Variants in PEF1 observed in about 807,000 individuals in gnomAD.
The protein encoded by PEF1 is peflin.
Under a neutral mutation model 32.0 loss-of-function variants are expected in PEF1, and 17 were observed. The ratio of observed to expected loss-of-function variants is 0.53; its 90% confidence interval spans 0.36 to 0.80. The LOEUF is 0.80. PEF1 is among the 30% of genes least tolerant of loss of function. PEF1 has a pLI of 0.00. For missense variants in PEF1, 362 were observed against 369.1 expected, an observed-to-expected ratio of 0.98 and a Z score of 0.16; for synonymous variants, 130 against 139.8, an observed-to-expected ratio of 0.93 and a Z score of 0.50.
At chr1:31,643,273 A>G (rs1640451686) in intron 1 of PEF1, among the ~76,000 whole-genome samples, 1 of 152,264 alleles carries the variant, frequency 6.6e-6, no homozygotes, top group African/African-American at 2.4e-5. Context: ...AATGTACATT[A>G]GCAAATTAAG....
chr1:31,639,880 G>A (rs185292202), intron 1 of PEF1, among the ~76,000 whole-genome samples: 1 of 152,288 alleles, frequency 6.6e-6, no homozygotes, highest in African/African-American at 2.4e-5. Flanking sequence ...AAGAAGATGA[G>A]GTGGTCCCCA....
intron 1 of PEF1, 58 bp downstream of exon 1, chr1:31,644,783 G>A (rs993251682): frequency 1.2e-6 from 2 of 1,612,366 alleles, no homozygotes; most frequent in African/African-American, 2.7e-5. Flanking sequence ...GCAGGGGGAC[G>A]TCGGGCCTGC....
Position 31,630,450 on chromosome 1 carries a change from C to T in PEF1, c.*163G>A. On this transcript the variant is annotated 3_prime_UTR_variant, in exon 5 of 5. Coordinates refer to ENST00000373703, the MANE Select transcript of PEF1 (RefSeq NM_012392.4). ...AGCCCCGGTCCTCACTATTTGGTGGCTATGATGCAGGACTCTCCACCCTCT... is the reference window on the plus strand; with the variant it reads ...AGCCCCGGTCCTCACTATTTGGTGGTTATGATGCAGGACTCTCCACCCTCT... 1 of 729,102 alleles carries T rather than the reference C, an allele frequency of 1.4e-6. No individual in the cohort carries two copies. The highest frequency in any genetic ancestry group is 1.8e-5 in the South Asian group (1 of 55,712). 45.2% of individuals were successfully genotyped at this position (729,102 alleles called of 1,614,324 possible).
intron 1 of PEF1, 85 bp downstream of exon 1, chr1:31,644,756 G>A: frequency 6.2e-7 from 1 of 1,607,962 alleles, no homozygotes. Context: ...AGGGCGCGGA[G>A]AAAGCGGGGA....
At chr1:31,633,400 C>T (rs1311085242) in intron 2 of PEF1, 86 bp from the exon 3 acceptor site, 2 of 1,364,494 alleles carry the variant, frequency 1.5e-6, no homozygotes, top group Non-Finnish European at 2.0e-6. Flanking sequence ...TTCTCCTACA[C>T]ACGAAGCTTC....
chr1:31,632,310 G>T, intron 4 of PEF1, 185 bp downstream of exon 4: 1 of 1,021,914 alleles, frequency 9.8e-7, no homozygotes, highest in Non-Finnish European at 1.5e-6. Context: ...CCTTGCCCTG[G>T]CTCTTGGCTC....
intron 2 of PEF1, among the ~76,000 whole-genome samples, chr1:31,634,566 A>G (rs975404063): frequency 6.6e-6 from 1 of 152,210 alleles, no homozygotes; most frequent in African/African-American, 2.4e-5. Flanking sequence ...AGGCTACATT[A>G]TCGTCTCCTG....
At chr1:31,632,136 T>A (rs1640122379) in intron 4 of PEF1, among the ~76,000 whole-genome samples, 1 of 152,204 alleles carries the variant, frequency 6.6e-6, no homozygotes, top group African/African-American at 2.4e-5. Flanking sequence ...CAGGGCTCTT[T>A]CCATTCTACA....
chr1:31,635,021 C>T, intron 2 of PEF1: 1 of 757,110 alleles, frequency 1.3e-6, no homozygotes. Context: ...AGAAAGTAAG[C>T]ATGAGCAAGC....
At chr1:31,632,224 C>G in intron 4 of PEF1, 1 of 632,126 alleles carries the variant, frequency 1.6e-6, no homozygotes, top group Admixed American at 2.4e-5. Context: ...AAGTTTCCAT[C>G]CTTAAGGCTC....
Position 31,630,182 on chromosome 1 carries a change from A to G in PEF1, c.*431T>C. 1 of 242,446 alleles carries G rather than the reference A, an allele frequency of 4.1e-6. No individual in the cohort carries two copies. The highest frequency in any genetic ancestry group is 8.3e-6 in the Non-Finnish European group (1 of 120,342). The allele number at this position is 242,446 out of a possible 1,614,324, so 15.0% of individuals were successfully genotyped here. On this transcript the variant is annotated 3_prime_UTR_variant, in exon 5 of 5. Transcript: ENST00000373703. Reference sequence around the variant, plus strand: ...AGACAGATCTCTCTCATGCTTGGTCAGATTCCACTTTGGAGAAAATGGGCT... The same window carrying G: ...AGACAGATCTCTCTCATGCTTGGTCGGATTCCACTTTGGAGAAAATGGGCT...
intron 1 of PEF1, among the ~76,000 whole-genome samples, chr1:31,636,063 C>G (rs1260619236): frequency 2.6e-5 from 4 of 152,190 alleles, no homozygotes; most frequent in Non-Finnish European, 5.9e-5. Flanking sequence ...AAAAACATTT[C>G]CCTATCCTCA....
rs1032656083 is a variant in PEF1 at position 31,634,925 on chromosome 1, G to A, written c.325+297C>T. On this transcript the variant is annotated intron_variant, in intron 2 of 4. Transcript: ENST00000373703. ...AGATAACATATCCCAAACAGGAGCT[G>A]CTCCTTCAGCATGTATCCCTGAATG... 1.4e-5 allele frequency: 8 copies of A among 560,246 alleles called. No individual in the cohort carries two copies. In the African/African-American group the frequency reaches 1.5e-4, roughly 11 times the overall value. 34.7% of individuals were successfully genotyped at this position (560,246 alleles called of 1,614,324 possible).
At chr1:31,643,590 C>T (rs1285520112) in intron 1 of PEF1, among the ~76,000 whole-genome samples, 3 of 152,164 alleles carry the variant, frequency 2.0e-5, no homozygotes, top group Non-Finnish European at 2.9e-5. Flanking sequence ...TTTGGGTTTG[C>T]TCCTCAGCAG....
chr1:31,635,669 G>T, intron 1 of PEF1, 147 bp from the exon 2 acceptor site: 1 of 814,316 alleles, frequency 1.2e-6, no homozygotes, highest in Non-Finnish European at 1.7e-6. Flanking sequence ...TGCTCAGATG[G>T]GCAAACTGAG....
chr1:31,630,905 A>T (rs1640083164), intron 4 of PEF1, 63 bp from the exon 5 acceptor site: 1 of 1,328,972 alleles, frequency 7.5e-7, no homozygotes, highest in African/African-American at 1.5e-5. Flanking sequence ...TCCATCAATC[A>T]GGAATACTGG....
rs181397217 is a variant in PEF1, at chr1:31,630,034, G to A, written c.*579C>T. Reference sequence around the variant, plus strand: ...GCAAGTGAGGGGTCCCAGCTGCAGAGGGCAGAAGCCTGGCCAAAGATGCCC... The same window carrying A: ...GCAAGTGAGGGGTCCCAGCTGCAGAAGGCAGAAGCCTGGCCAAAGATGCCC... On this transcript the variant is annotated 3_prime_UTR_variant, in exon 5 of 5. Transcript: ENST00000373703. 322 of 159,674 alleles carry A rather than the reference G, an allele frequency of 2.0e-3. No homozygotes were observed. The highest frequency in any genetic ancestry group is 7.4e-3 in the African/African-American group (310 of 41,704). The allele number at this position is 159,674 out of a possible 1,614,324, so 9.9% of individuals were successfully genotyped here.
chr1:31,633,858 A>C (rs1343325175), intron 2 of PEF1, among the ~76,000 whole-genome samples: 1 of 152,046 alleles, frequency 6.6e-6, no homozygotes, highest in African/African-American at 2.4e-5. Flanking sequence ...GGGAGGCTGA[A>C]GCAGGAGAAT....
At chr1:31,638,594 G>A (rs1203399737) in intron 1 of PEF1, among the ~76,000 whole-genome samples, 2 of 152,238 alleles carry the variant, frequency 1.3e-5, no homozygotes, top group Non-Finnish European at 2.9e-5. Context: ...ACATCCCCAG[G>A]CCAACAAAGC....
Sources: allele counts gnomAD v4.1 joint callset (sites outside exome capture counted in the v4.1 genomes callset), GRCh38; gene constraint gnomAD v4.1.1; transcripts MANE v1.5; gene names NCBI Gene and HGNC (gene_info 2026-07-23, HGNC 2026-07-21).